Variants in NRXN1 observed in about 807,000 individuals in gnomAD.
NRXN1 encodes neurexin-1.
In NRXN1, 39 loss-of-function variants were observed where a neutral mutation model predicts 150.9. The observed-to-expected ratio is 0.26, with a 90% CI of 0.20 to 0.34. The LOEUF is 0.34. Among genes scored for constraint, NRXN1 ranks in the 10% least tolerant of loss-of-function variants. The probability of loss-of-function intolerance (pLI) is 1.00; values close to 1 mark genes in which losing one functional copy is unlikely to be tolerated. For missense variants in NRXN1, 1,815 were observed against 1,949.9 expected, an observed-to-expected ratio of 0.93 and a Z score of 1.30; for synonymous variants, 924 against 757.0, an observed-to-expected ratio of 1.22 and a Z score of -3.62.
chr2:50,582,669 A>G (rs78979313), intron 8 of NRXN1, among the ~76,000 whole-genome samples: 6 of 60,280 alleles, frequency 1.0e-4, no homozygotes, highest in Non-Finnish European at 1.6e-4. Flanking sequence ...GATCTGCCAG[A>G]AAAAAAAAAA....
At chr2:50,740,767 G>C (rs572473538) in intron 5 of NRXN1, among the ~76,000 whole-genome samples, 20 of 152,050 alleles carry the variant, frequency 1.3e-4, no homozygotes, top group Non-Finnish European at 1.3e-4. Context: ...AGAGTTAAAA[G>C]GACAAGGAGG....
At chr2:50,156,876 A>G (rs2059053276) in intron 18 of NRXN1, among the ~76,000 whole-genome samples, 2 of 152,024 alleles carry the variant, frequency 1.3e-5, no homozygotes, top group South Asian at 4.1e-4. Flanking sequence ...AAACCACTAA[A>G]GTGCTATAAG....
intron 17 of NRXN1, among the ~76,000 whole-genome samples, chr2:50,316,608 A>G (rs2152969242): frequency 6.6e-6 from 1 of 152,188 alleles, no homozygotes; most frequent in African/African-American, 2.4e-5. Flanking sequence ...TCATGTAATA[A>G]AATATGAAAC....
intron 8 of NRXN1, among the ~76,000 whole-genome samples, chr2:50,587,743 TAA>T (rs1673407568): frequency 6.6e-6 from 1 of 152,090 alleles, no homozygotes; most frequent in Non-Finnish European, 1.5e-5. Context: ...AATTAAATGA[TAA>T]GATAGAGAAT....
At chr2:49,963,663 T>A (rs1676402059) in intron 21 of NRXN1, among the ~76,000 whole-genome samples, 1 of 152,188 alleles carries the variant, frequency 6.6e-6, no homozygotes, top group Admixed American at 6.5e-5. Flanking sequence ...AGAACAGAAA[T>A]GTGCCGTTAG....
At chr2:50,971,534 G>T (rs1427058916) in intron 2 of NRXN1, among the ~76,000 whole-genome samples, 1 of 152,152 alleles carries the variant, frequency 6.6e-6, no homozygotes, top group East Asian at 1.9e-4. Flanking sequence ...GGTGAGCCGA[G>T]ATTGTGTCAT....
chr2:50,597,670 C>T (rs1675461668), intron 8 of NRXN1, among the ~76,000 whole-genome samples: 1 of 152,194 alleles, frequency 6.6e-6, no homozygotes. Context: ...TCCTCTTTAA[C>T]TGCATGTTTC....
intron 15 of NRXN1, among the ~76,000 whole-genome samples, chr2:50,478,761 A>T (rs892445462): frequency 8.5e-5 from 13 of 152,186 alleles, no homozygotes; most frequent in Admixed American, 7.9e-4. Flanking sequence ...CATGTTGTGT[A>T]ACAGCCACAT....
chr2:50,175,822 C>A (rs899370773), intron 18 of NRXN1, among the ~76,000 whole-genome samples: 1 of 152,140 alleles, frequency 6.6e-6, no homozygotes, highest in Non-Finnish European at 1.5e-5. Context: ...GGTTCCCTTT[C>A]TGAGCTTCCT....
intron 21 of NRXN1, among the ~76,000 whole-genome samples, chr2:49,978,630 G>A (rs1679420585): frequency 6.7e-6 from 1 of 148,332 alleles, no homozygotes; most frequent in Non-Finnish European, 1.5e-5. Flanking sequence ...CAAAGGAAAT[G>A]TTAGAAATCT....
intron 21 of NRXN1, among the ~76,000 whole-genome samples, chr2:49,991,579 G>A (rs1681965852): frequency 6.6e-6 from 1 of 152,022 alleles, no homozygotes; most frequent in Non-Finnish European, 1.5e-5. Flanking sequence ...AAAACCTTGA[G>A]GAATGAAATC....
chr2:50,445,123 G>C (rs780848304), intron 17 of NRXN1, among the ~76,000 whole-genome samples: 69 of 152,038 alleles, frequency 4.5e-4, no homozygotes, highest in Non-Finnish European at 8.1e-4. Context: ...TTTCCTTTTA[G>C]TTTCCATAAA....
intron 17 of NRXN1, among the ~76,000 whole-genome samples, chr2:50,342,419 C>T (rs1339376063): frequency 6.6e-6 from 1 of 152,246 alleles, no homozygotes; most frequent in Non-Finnish European, 1.5e-5. Context: ...CTGGGTCACA[C>T]ATATGAATTC....
At chr2:50,394,554 T>A (rs1426699541) in intron 17 of NRXN1, among the ~76,000 whole-genome samples, 1 of 152,106 alleles carries the variant, frequency 6.6e-6, no homozygotes, top group Non-Finnish European at 1.5e-5. Context: ...TTTTACCACT[T>A]ATTGGCTTGA....
chr2:50,157,693 G>A (rs1421873505), intron 18 of NRXN1, among the ~76,000 whole-genome samples: 1 of 152,046 alleles, frequency 6.6e-6, no homozygotes. Flanking sequence ...AGAAATGGAG[G>A]CAGTAAGAAT....
At chr2:49,929,657 T>A (rs1248361380) in intron 22 of NRXN1, among the ~76,000 whole-genome samples, 1 of 152,200 alleles carries the variant, frequency 6.6e-6, no homozygotes. Context: ...TATAACCTTT[T>A]ATCTCCTGCC....
intron 15 of NRXN1, among the ~76,000 whole-genome samples, chr2:50,489,204 A>G (rs895272994): frequency 6.6e-6 from 1 of 152,204 alleles, no homozygotes; most frequent in African/African-American, 2.4e-5. Context: ...CAAGCATGGA[A>G]GCCAAGGCCT....
At position 50,577,229 on chromosome 2, in the gene NRXN1, A is replaced by T. The variant is rs189319135; in HGVS notation, c.1321-24204T>A. On this transcript the variant is annotated intron_variant, in intron 8 of 22. Coordinates refer to ENST00000401669, the MANE Select transcript of NRXN1 (RefSeq NM_001330078.2). ...ATGGGGACGTAAAAGATTAAATTAGAACATTCATTTTTTGTCCTGTTACTG... is the reference window on the plus strand; with the variant it reads ...ATGGGGACGTAAAAGATTAAATTAGTACATTCATTTTTTGTCCTGTTACTG... Among the ~76,000 whole-genome samples the T allele has an allele frequency of 2.2e-3, 330 of 152,268 alleles. 1 individual carries two copies. Among genetic ancestry groups the T allele is most frequent in the Non-Finnish European group, 3.9e-3 (268 of 67,984 alleles).
At chr2:51,009,793 A>G (rs1040615233) in intron 2 of NRXN1, among the ~76,000 whole-genome samples, 24 of 151,948 alleles carry the variant, frequency 1.6e-4, no homozygotes, top group African/African-American at 5.8e-4. Context: ...GAAAAAGTGT[A>G]AATAAAACAT....
Sources: allele counts gnomAD v4.1 joint callset (sites outside exome capture counted in the v4.1 genomes callset), GRCh38; gene constraint gnomAD v4.1.1; transcripts MANE v1.5; gene names NCBI Gene and HGNC (gene_info 2026-07-23, HGNC 2026-07-21).